PLCH1: variants seen among roughly 807,000 people sequenced by gnomAD.
The protein encoded by PLCH1 is 1-phosphatidylinositol 4,5-bisphosphate phosphodiesterase eta-1.
A neutral mutation model predicts 126.7 loss-of-function variants in PLCH1; 60 were observed. The observed-to-expected ratio is 0.47, with a 90% CI of 0.38 to 0.59. PLCH1 has a LOEUF of 0.59. Ranked by LOEUF, PLCH1 falls within the 20% of genes least tolerant of loss-of-function variation. The probability of loss-of-function intolerance (pLI) is 0.00; values close to 1 mark genes in which losing one functional copy is unlikely to be tolerated. For synonymous variants in PLCH1, 719 were observed against 734.9 expected, an observed-to-expected ratio of 0.98 and a Z score of 0.35; for missense variants, 1,723 against 2,040.0, an observed-to-expected ratio of 0.84 and a Z score of 2.99.
At chr3:155,465,834 G>C (rs1457037839) in intron 21 of PLCH1, among the ~76,000 whole-genome samples, 1 of 152,146 alleles carries the variant, frequency 6.6e-6, no homozygotes, top group Non-Finnish European at 1.5e-5. Flanking sequence ...GAACATTGGT[G>C]GTAGTCTGAC....
intron 6 of PLCH1, among the ~76,000 whole-genome samples, chr3:155,577,339 A>G (rs1016778596): frequency 6.6e-6 from 1 of 152,054 alleles, no homozygotes; most frequent in African/African-American, 2.4e-5. Flanking sequence ...TTGACTTTGT[A>G]TGATTTTGTA....
chr3:155,659,302 CTTTTTTTTTTTTTTTTTTTTTTTTT>C (rs753258422), intron 2 of PLCH1, among the ~76,000 whole-genome samples: 8 of 30,796 alleles, frequency 2.6e-4, no homozygotes, highest in East Asian at 2.0e-3. Flanking sequence ...CTATTCACTT[CTTTTTTTTTTTTTTTTTTTTTTTTT>C]TTTTTTTTTT....
intron 2 of PLCH1, among the ~76,000 whole-genome samples, chr3:155,688,357 C>T (rs937463400): frequency 1.3e-5 from 2 of 152,200 alleles, no homozygotes; most frequent in African/African-American, 4.8e-5. Flanking sequence ...ATCCACTTAG[C>T]ATTTCATAAT....
chr3:155,676,420 C>T (rs1408513648), intron 2 of PLCH1: 2 of 995,152 alleles, frequency 2.0e-6, no homozygotes, highest in African/African-American at 1.7e-5. Flanking sequence ...GCATTATGCA[C>T]ATTTAATGTC....
intron 2 of PLCH1, among the ~76,000 whole-genome samples, chr3:155,604,981 G>C (rs991486492): frequency 9.2e-5 from 14 of 152,192 alleles, no homozygotes; most frequent in African/African-American, 2.9e-4. Flanking sequence ...TTGCCATTCT[G>C]TCATGGACGG....
At chr3:155,653,490 T>C (rs758572000) in intron 2 of PLCH1, among the ~76,000 whole-genome samples, 12 of 152,144 alleles carry the variant, frequency 7.9e-5, no homozygotes, top group Non-Finnish European at 1.2e-4. Flanking sequence ...ACTCAATTCC[T>C]TCACCCCGCA....
rs1187994498 is a variant in PLCH1 at position 155,480,309 on chromosome 3, A to G, written c.*659T>C. On this transcript the variant is annotated 3_prime_UTR_variant, in exon 23 of 23. Coordinates refer to ENST00000460012, the MANE Select transcript of PLCH1 (RefSeq NM_014996.4). ...ATATGTAACAAAATTTATGTAAAAC[A>G]AACAATTTTGTCCTTATGTACAAAA... is the stretch of plus-strand genomic sequence containing the variant. 1 of 152,662 alleles carries G rather than the reference A, an allele frequency of 6.6e-6. No individual in the cohort carries two copies. Among genetic ancestry groups the G allele is most frequent in the Non-Finnish European group, 1.5e-5 (1 of 68,048 alleles). The allele number at this position is 152,662 out of a possible 1,614,324, so 9.5% of individuals were successfully genotyped here. A position where few individuals can be genotyped will look rare whatever the true frequency, so the allele number is the denominator to read the frequency against.
At chr3:155,506,052 C>T (rs1282798641) in intron 12 of PLCH1, among the ~76,000 whole-genome samples, 4 of 152,062 alleles carry the variant, frequency 2.6e-5, no homozygotes, top group African/African-American at 7.2e-5. Context: ...TAAAGCACGG[C>T]TGTCACAGGC....
chr3:155,712,122 C>G lies in PLCH1; in HGVS notation c.-40-7858G>C. 2.6e-5 allele frequency among the ~76,000 whole-genome samples: 4 copies of G among 152,268 alleles called. No homozygotes were observed. The South Asian group carries it at 8.3e-4, about 32-fold the overall frequency. ...ACCTAGAGTCCCAACTGATGAAATACGTCAGCATAGCAAAATGTAAAGAGG... is the reference window on the plus strand; with the variant it reads ...ACCTAGAGTCCCAACTGATGAAATAGGTCAGCATAGCAAAATGTAAAGAGG... On this transcript the variant is annotated intron_variant, in intron 1 of 22. Coordinates refer to ENST00000460012, the MANE Select transcript of PLCH1 (RefSeq NM_014996.4).
At chr3:155,738,702 G>A (rs1438432176) in intron 1 of PLCH1, among the ~76,000 whole-genome samples, 3 of 151,328 alleles carry the variant, frequency 2.0e-5, no homozygotes, top group African/African-American at 7.3e-5. Flanking sequence ...CAGGAGAATC[G>A]CTTGAAACCG....
intron 1 of PLCH1, among the ~76,000 whole-genome samples, chr3:155,709,271 G>C (rs1344418319): frequency 6.6e-6 from 1 of 152,214 alleles, no homozygotes; most frequent in African/African-American, 2.4e-5. Context: ...GTGGATATAA[G>C]TTTTTAACTC....
chr3:155,742,246 G>A (rs938706593), intron 1 of PLCH1: 1 of 152,044 alleles, frequency 6.6e-6, no homozygotes, highest in Non-Finnish European at 1.5e-5. Context: ...AAAACATTTC[G>A]TTAAGAATTT....
At chr3:155,625,106 G>A (rs112881496) in intron 2 of PLCH1, among the ~76,000 whole-genome samples, 6,103 of 152,240 alleles carry the variant, frequency 0.04, 207 homozygotes, top group African/African-American at 0.088. Flanking sequence ...ACAACCATCT[G>A]ATCTTTGACA....
At chr3:155,469,295 G>C (rs940155375) in intron 21 of PLCH1, among the ~76,000 whole-genome samples, 6 of 152,164 alleles carry the variant, frequency 3.9e-5, no homozygotes, top group African/African-American at 9.7e-5. Flanking sequence ...TGCCCTTTCC[G>C]AGTCAAAGAA....
intron 10 of PLCH1, among the ~76,000 whole-genome samples, chr3:155,542,063 G>A (rs566738031): frequency 1.7e-4 from 26 of 152,312 alleles, no homozygotes; most frequent in Non-Finnish European, 2.6e-4. Flanking sequence ...CACCATGCGC[G>A]AGCCGAAGCA....
At chr3:155,493,117 G>GT (rs1716502206) in intron 17 of PLCH1, among the ~76,000 whole-genome samples, 3 of 152,134 alleles carry the variant, frequency 2.0e-5, no homozygotes, top group African/African-American at 7.2e-5. Flanking sequence ...AACACCAACA[G>GT]TGTAAAAAGA....
chr3:155,453,196 G>C (rs1485865829), intron 21 of PLCH1, among the ~76,000 whole-genome samples: 1 of 151,982 alleles, frequency 6.6e-6, no homozygotes, highest in Non-Finnish European at 1.5e-5. Flanking sequence ...GACCATGAAA[G>C]ACAAAGGCTA....
intron 2 of PLCH1, among the ~76,000 whole-genome samples, chr3:155,611,988 A>G (rs1735152641): frequency 6.6e-6 from 1 of 152,182 alleles, no homozygotes; most frequent in South Asian, 2.1e-4. Context: ...GACACAACCT[A>G]TCAAAACTGC....
intron 2 of PLCH1, among the ~76,000 whole-genome samples, chr3:155,636,476 G>C (rs1462361734): frequency 6.6e-6 from 1 of 152,090 alleles, no homozygotes; most frequent in Non-Finnish European, 1.5e-5. Context: ...GGCCAGGCGC[G>C]GTGGCTCTCG....
Sources: allele counts gnomAD v4.1 joint callset (sites outside exome capture counted in the v4.1 genomes callset), GRCh38; gene constraint gnomAD v4.1.1; transcripts MANE v1.5; gene names NCBI Gene and HGNC (gene_info 2026-07-23, HGNC 2026-07-21).